RSPH4A: variants seen among roughly 807,000 people sequenced by gnomAD.
The protein encoded by RSPH4A is radial spoke head component 4A, also known as radial spoke head protein 4 homolog A.
Under a neutral mutation model 71.0 loss-of-function variants are expected in RSPH4A, and 47 were observed. The ratio of observed to expected loss-of-function variants is 0.66; its 90% confidence interval spans 0.52 to 0.84. The LOEUF (loss-of-function observed/expected upper bound fraction) is 0.84, where lower values mean the gene tolerates loss of function less well. Ranked by LOEUF, RSPH4A falls within the 40% of genes least tolerant of loss-of-function variation. RSPH4A has a pLI of 0.00. For synonymous variants in RSPH4A, 282 were observed against 302.3 expected (o/e 0.93, Z 0.70); for missense variants, 793 against 855.2 (o/e 0.93, Z 0.91).
At chr6:116,624,754 C>T (rs956752759) in intron 2 of RSPH4A, among the ~76,000 whole-genome samples, 17 of 152,264 alleles carry the variant, frequency 1.1e-4, no homozygotes, top group Middle Eastern at 6.8e-3. Context: ...CACCAGAATT[C>T]GTTTGCTTAG....
Position 116,617,068 on chromosome 6 carries a change from A to G in RSPH4A, c.445A>G (p.Thr149Ala). Residue 149 changes from threonine (T) to alanine (A), a missense_variant, in exon 1 of 6, where the codon ACC becomes GCC. Physicochemically the swap from Thr to Ala is moderately conservative, Grantham distance 58. Transcript: ENST00000229554. ...TCACACAAGCCAGTCAGAAGGAAAC[A>G]CCTTTCAACAGTCTCAGCAACCCAA... ...PHHTSQSEGN[T>A]FQQSQQPKPH... 2 of 1,614,186 alleles carry G rather than the reference A, an allele frequency of 1.2e-6. No individual in the cohort carries two copies. Among genetic ancestry groups the G allele is most frequent in the East Asian group, 2.2e-5 (1 of 44,874 alleles).
At chr6:116,621,313 T>C (rs944599769) in intron 1 of RSPH4A, among the ~76,000 whole-genome samples, 6 of 152,190 alleles carry the variant, frequency 3.9e-5, no homozygotes, top group Non-Finnish European at 8.8e-5. Flanking sequence ...GCCCTTTACA[T>C]TGATCTCCCA....
intron 5 of RSPH4A, among the ~76,000 whole-genome samples, chr6:116,630,966 A>G (rs1386638895): frequency 6.8e-6 from 1 of 147,436 alleles, no homozygotes; most frequent in East Asian, 2.0e-4. Context: ...CTGGGATTAC[A>G]TGTTTGAGCC....
At chr6:116,618,710 T>G (rs1775551643) in intron 1 of RSPH4A, among the ~76,000 whole-genome samples, 1 of 152,200 alleles carries the variant, frequency 6.6e-6, no homozygotes, top group African/African-American at 2.4e-5. Flanking sequence ...ACAAAATGTT[T>G]GGGGTTCTGT....
At chr6:116,621,800 C>T (rs1487607750) in intron 1 of RSPH4A, among the ~76,000 whole-genome samples, 2 of 152,128 alleles carry the variant, frequency 1.3e-5, no homozygotes, top group Non-Finnish European at 2.9e-5. Flanking sequence ...TGGAGAGATA[C>T]GATGCGTATC....
rs1435864406 is a variant in RSPH4A at position 116,616,931 on chromosome 6, A to T, written c.308A>T (p.Asp103Val). The change falls in exon 1 of 6, where the codon GAC becomes GTC. Residue 103 changes from aspartate (D) to valine (V), a missense_variant. By Grantham distance (152) the Asp-to-Val change is radical (BLOSUM62 -3). Transcript: ENST00000229554. ...TCTCCCCTGGCTCCGGCCAGACAAGACCTCGCGGCACCACCTCAGTCGGAC... is the reference window on the plus strand; with the variant it reads ...TCTCCCCTGGCTCCGGCCAGACAAGTCCTCGCGGCACCACCTCAGTCGGAC... ...SPSPLAPARQDLAAPPQSDRT... is the reference protein window; with the variant it reads ...SPSPLAPARQVLAAPPQSDRT... 2.5e-6 allele frequency: 4 copies of T among 1,614,014 alleles called. No individual in the cohort carries two copies. The East Asian group carries it at 8.9e-5, about 36-fold the overall frequency.
intron 1 of RSPH4A, among the ~76,000 whole-genome samples, chr6:116,618,485 C>A (rs1775547243): frequency 6.6e-6 from 1 of 152,200 alleles, no homozygotes; most frequent in African/African-American, 2.4e-5. Flanking sequence ...TCTACAACAA[C>A]CAACATAGAA....
intron 4 of RSPH4A, 152 bp from the exon 5 acceptor site, chr6:116,630,283 T>G: frequency 1.4e-6 from 1 of 701,694 alleles, no homozygotes; most frequent in East Asian, 2.6e-5. Flanking sequence ...CTGATTTTGT[T>G]AAGTTGCTGC....
At chr6:116,630,037 TAA>T (rs1775767384) in intron 4 of RSPH4A, among the ~76,000 whole-genome samples, 1 of 152,232 alleles carries the variant, frequency 6.6e-6, no homozygotes, top group Non-Finnish European at 1.5e-5. Flanking sequence ...TCCTGGTTTT[TAA>T]AAACTCTACT....
At chr6:116,630,845 G>GGTT (rs1775790896) in intron 5 of RSPH4A, among the ~76,000 whole-genome samples, 2 of 67,714 alleles carry the variant, frequency 3.0e-5, no homozygotes, top group African/African-American at 1.5e-4. Flanking sequence ...GCTAATTTTT[G>GGTT]TATTTTTTTT....
chr6:116,621,876 A>G (rs897057090), intron 1 of RSPH4A, among the ~76,000 whole-genome samples: 1 of 152,204 alleles, frequency 6.6e-6, no homozygotes, highest in Non-Finnish European at 1.5e-5. Context: ...AGAAAAGAGC[A>G]CTTTAACAGG....
chr6:116,632,348 G>A lies in RSPH4A; in HGVS notation c.2058G>A (p.Glu686=). The A allele has an allele frequency of 1.2e-6, 2 of 1,614,082 alleles. No homozygotes were observed. Among genetic ancestry groups the A allele is most frequent in the Non-Finnish European group, 1.7e-6 (2 of 1,180,014 alleles). ...TGGATGATCCTAGTGTGGAGGAGGA[G>A]CAGGCTTTCAGGGCTGCACAAGAAG... is the stretch of plus-strand genomic sequence containing the variant. ...TEMDDPSVEE[E]QAFRAAQEAV... The change falls in exon 6 of 6, where the codon GAG becomes GAA. Residue 686 remains glutamate, a synonymous_variant. Coordinates refer to ENST00000229554, the MANE Select transcript of RSPH4A (RefSeq NM_001010892.3).
intron 2 of RSPH4A, among the ~76,000 whole-genome samples, chr6:116,627,123 T>C (rs1775708456): frequency 6.6e-6 from 1 of 152,152 alleles, no homozygotes; most frequent in South Asian, 2.1e-4. Context: ...CATTAATGAG[T>C]ATAAGATACA....
Position 116,630,462 on chromosome 6 carries a change from C to A in RSPH4A, c.1826C>A (p.Thr609Lys). Residue 609 changes from threonine to lysine, a missense_variant, in exon 5 of 6, where the codon ACA (threonine) becomes AAA (lysine). Transcript: ENST00000229554. ...LEIQNIPPWT[T>K]RLSSNLIPQY... ...ATTCAGAATATACCCCCCTGGACAA[C>A]ACGGTTATCCTCAAATCTCATTCCA... 6.2e-7 allele frequency: 1 copy of A among 1,608,646 alleles called. No homozygotes were observed. Among genetic ancestry groups the A allele is most frequent in the South Asian group, 1.1e-5 (1 of 90,958 alleles).
In RSPH4A at chr6:116,617,248, A is replaced by T. The variant is rs764651259; in HGVS notation, c.625A>T (p.Ile209Phe). ...GSEVAPSMLE[I>F]TIQNAKAYLL... ...TGAAGTGGCCCCCAGCATGCTTGAGATCACCATTCAGAATGCTAAGGCTTA... is the reference window on the plus strand; with the variant it reads ...TGAAGTGGCCCCCAGCATGCTTGAGTTCACCATTCAGAATGCTAAGGCTTA... The change falls in exon 1 of 6, where the codon ATC becomes TTC. Residue 209 changes from isoleucine to phenylalanine, a missense_variant. Transcript: ENST00000229554. The T allele has an allele frequency of 1.9e-6, 3 of 1,613,942 alleles. No homozygotes were observed. In the African/African-American group the frequency reaches 4.0e-5, roughly 22 times the overall value.
chr6:116,626,725 C>T (rs988238102), intron 2 of RSPH4A, among the ~76,000 whole-genome samples: 5 of 148,668 alleles, frequency 3.4e-5, no homozygotes, highest in Non-Finnish European at 6.0e-5. Flanking sequence ...TAATTTTTCT[C>T]ATTATTTTAA....
At position 116,617,308 on chromosome 6, in the gene RSPH4A, C is replaced by A; in HGVS notation, c.685C>A (p.Leu229Ile). 1 of 1,608,708 alleles carries A rather than the reference C, an allele frequency of 6.2e-7. No individual in the cohort carries two copies. The highest frequency in any genetic ancestry group is 1.1e-5 in the South Asian group (1 of 90,580). ...LKTSSNSGFNLYDHLSNMLTK... is the reference protein window; with the variant it reads ...LKTSSNSGFNIYDHLSNMLTK... Reference sequence around the variant, plus strand: ...GACTAGCAGCAATTCGGGCTTTAATCTGTAAGTCTCAGAGGGAAAAAAGAT... The same window carrying A: ...GACTAGCAGCAATTCGGGCTTTAATATGTAAGTCTCAGAGGGAAAAAAGAT... Residue 229 changes from leucine (L) to isoleucine (I), a missense_variant and splice_region_variant, in exon 1 of 6, where the codon CTA becomes ATA. Leu to Ile is a conservative substitution (Grantham distance 5). Transcript: ENST00000229554.
chr6:116,617,254 A>T lies in RSPH4A; in HGVS notation c.631A>T (p.Ile211Phe). The T allele has an allele frequency of 6.2e-7, 1 of 1,614,004 alleles. No individual in the cohort carries two copies. The change falls in exon 1 of 6, where the codon ATT becomes TTT. Residue 211 changes from isoleucine to phenylalanine, a missense_variant. Ile to Phe is a conservative substitution (Grantham distance 21). Transcript: ENST00000229554. ...EVAPSMLEIT[I>F]QNAKAYLLKT... ...GGCCCCCAGCATGCTTGAGATCACC[A>T]TTCAGAATGCTAAGGCTTACCTGCT...
intron 1 of RSPH4A, among the ~76,000 whole-genome samples, chr6:116,621,968 G>C (rs1775616697): frequency 6.6e-6 from 1 of 152,088 alleles, no homozygotes; most frequent in Non-Finnish European, 1.5e-5. Context: ...AACACTAGCA[G>C]TTATATATAA....
Sources: gnomAD v4.1 joint callset for allele counts (sites outside exome capture counted in the v4.1 genomes callset) on GRCh38, gnomAD v4.1.1 for gene constraint, MANE v1.5 for transcripts, NCBI Gene and HGNC (gene_info 2026-07-23, HGNC 2026-07-21) for gene names.